Variants in ADCY5 observed in about 807,000 individuals in gnomAD.
ADCY5 encodes the protein adenylate cyclase type 5.
ADCY5 carries 30 observed loss-of-function variants against 119.7 expected under a neutral mutation model. The observed-to-expected ratio is 0.25, with a 90% confidence interval of 0.19 to 0.34. The LOEUF (loss-of-function observed/expected upper bound fraction) is 0.34. Among genes scored for constraint, ADCY5 ranks in the 10% least tolerant of loss-of-function variants. ADCY5 has a pLI of 1.00. For missense variants in ADCY5, 1,324 were observed against 1,775.2 expected (o/e 0.75, Z 4.57); for synonymous variants, 753 against 762.2 (o/e 0.99, Z 0.20).
chr3:123,392,655 C>T (rs66850653), intron 1 of ADCY5, among the ~76,000 whole-genome samples: 21,580 of 152,098 alleles, frequency 0.14, 1,658 homozygotes, highest in East Asian at 0.34. Flanking sequence ...TGTTACTCCC[C>T]TTCTCTGTAT....
At chr3:123,386,091 C>T (rs1944211710) in intron 1 of ADCY5, among the ~76,000 whole-genome samples, 1 of 152,228 alleles carries the variant, frequency 6.6e-6, no homozygotes, top group South Asian at 2.1e-4. Flanking sequence ...GAAGATGCAG[C>T]TCTCCTCAGA....
In ADCY5 at chr3:123,447,564, C is replaced by T. The variant is rs749154761; in HGVS notation, c.982G>A (p.Gly328Ser). 3.9e-5 allele frequency: 63 copies of T among 1,609,032 alleles called. 1 individual carries two copies. In the Middle Eastern group the frequency reaches 8.2e-4, roughly 21 times the overall value. ...LLPQPRSASE[G>S]IWWTVFFIYT... The stretch of plus-strand genomic sequence containing the variant: ...ATGAAGAACACGGTCCACCAGATGC[C>T]CTCAGAGGCGCTGCGTGGCTGCGGC... The change falls in exon 1 of 21, where the codon GGC becomes AGC. Residue 328 changes from glycine to serine, a missense_variant. By Grantham distance (56) the Gly-to-Ser change is moderately conservative (BLOSUM62 0). Transcript: ENST00000462833.
chr3:123,297,367 G>A lies in ADCY5; in HGVS notation c.2916C>T (p.Asn972=), dbSNP rs1030351325. 1.2e-5 allele frequency: 19 copies of A among 1,613,886 alleles called. No homozygotes were observed. The highest frequency in any genetic ancestry group is 3.3e-4 in the Middle Eastern group (2 of 6,084). Residue 972 remains asparagine (N), a synonymous_variant, in exon 16 of 21, where the codon AAC becomes AAT. Transcript: ENST00000462833. ...VTANAIDFFN[N]GTSQCPEHAT... ...CATCAACTCACCACTGGGAGGTCCC[G>A]TTGTTGAAGAAGTCTCTGTGAAGAG...
At position 123,286,669 on chromosome 3, in the gene ADCY5, A is replaced by G; in HGVS notation, c.3657+16T>C. ...CCTCCCATGGGGTGAGGGGTGGTGG[A>G]TGCTCCTGCACTCACCTGGATGCGG... On this transcript the variant is annotated intron_variant, in intron 20 of 20. Transcript: ENST00000462833. The surrounding 1 kb of genome is among the most constrained non-coding windows in gnomAD (Gnocchi z 4.2). 6.3e-7 allele frequency: 1 copy of G among 1,593,998 alleles called. No individual in the cohort carries two copies. The highest frequency in any genetic ancestry group is 1.1e-5 in the South Asian group (1 of 87,678).
chr3:123,339,671 G>A (rs913374750), intron 3 of ADCY5, among the ~76,000 whole-genome samples: 4 of 152,270 alleles, frequency 2.6e-5, no homozygotes, highest in South Asian at 2.1e-4. Flanking sequence ...GTCCTAGGTC[G>A]AGGCATGTCC....
rs758472459 is a variant in ADCY5 at position 123,297,340 on chromosome 3, A to G, written c.2930+13T>C. 1 of 1,613,704 alleles carries G rather than the reference A, an allele frequency of 6.2e-7. No homozygotes were observed. Among genetic ancestry groups the G allele is most frequent in the South Asian group, 1.1e-5 (1 of 91,074 alleles). ...GGGCAGGGAGCGACCCTATCCGAGG[A>G]GCATCAACTCACCACTGGGAGGTCC... is the stretch of plus-strand genomic sequence containing the variant. On this transcript the variant is annotated intron_variant, in intron 16 of 20. Coordinates refer to ENST00000462833, the MANE Select transcript of ADCY5 (RefSeq NM_183357.3).
intron 1 of ADCY5, among the ~76,000 whole-genome samples, chr3:123,358,821 G>A (rs1175699069): frequency 6.6e-6 from 1 of 152,168 alleles, no homozygotes; most frequent in African/African-American, 2.4e-5. Context: ...CTGCCCGCAG[G>A]CTGCAGGTTT....
chr3:123,314,054 C>T (rs1280295765), intron 12 of ADCY5, among the ~76,000 whole-genome samples, 181 bp downstream of exon 12: 2 of 152,202 alleles, frequency 1.3e-5, no homozygotes, highest in East Asian at 3.9e-4. Context: ...GACCATTTGC[C>T]AGACTCCAGG....
intron 1 of ADCY5, 23 bp downstream of exon 1, chr3:123,447,389 C>T: frequency 6.6e-7 from 1 of 1,517,926 alleles, no homozygotes; most frequent in Non-Finnish European, 8.8e-7. Flanking sequence ...CAATCCAGTC[C>T]CGGTGGCCAG....
chr3:123,443,957 C>G (rs367863984), intron 1 of ADCY5, among the ~76,000 whole-genome samples: 6 of 152,346 alleles, frequency 3.9e-5, no homozygotes, highest in East Asian at 3.9e-4. Flanking sequence ...ATGACCACCC[C>G]ACCCCACAGG....
chr3:123,291,046 C>A (rs1939113475), intron 18 of ADCY5, 67 bp downstream of exon 18: 1 of 1,536,742 alleles, frequency 6.5e-7, no homozygotes, highest in South Asian at 1.3e-5. Flanking sequence ...CTCTTCACAT[C>A]CCTCCCATAC....
At chr3:123,396,779 AAGGCAGGCAGGCAGGCAGGCAGGC>A (rs1195206250) in intron 1 of ADCY5, among the ~76,000 whole-genome samples, 2 of 69,904 alleles carry the variant, frequency 2.9e-5, no homozygotes, top group African/African-American at 1.2e-4. Flanking sequence ...GGAAGGAAGG[AAGGCAGGCAGGCAGGCAGGCAGGC>A]AGGCAGGCAG....
At chr3:123,323,015 A>C (rs371514238) in intron 8 of ADCY5, among the ~76,000 whole-genome samples, 3 of 152,192 alleles carry the variant, frequency 2.0e-5, no homozygotes, top group African/African-American at 4.8e-5. Context: ...GCACGTTAGC[A>C]TGGAAAGCCC....
In ADCY5 at chr3:123,395,635, T is replaced by G. The variant is rs371735392; in HGVS notation, c.1135-43054A>C. On this transcript the variant is annotated intron_variant, in intron 1 of 20. Coordinates refer to ENST00000462833, the MANE Select transcript of ADCY5 (RefSeq NM_183357.3). Reference sequence around the variant, plus strand: ...CACGTGTTACATAATCCCAGCACTTTGGGAGGGTGAGGTGGGAGGATTGCT... The same window carrying G: ...CACGTGTTACATAATCCCAGCACTTGGGGAGGGTGAGGTGGGAGGATTGCT... Among the ~76,000 whole-genome samples, 12 of 152,068 alleles carry G rather than the reference T, an allele frequency of 7.9e-5. No individual in the cohort carries two copies. The East Asian group carries it at 1.6e-3, about 20-fold the overall frequency.
At chr3:123,345,139 C>A (rs530287770) in intron 3 of ADCY5, among the ~76,000 whole-genome samples, 1 of 152,342 alleles carries the variant, frequency 6.6e-6, no homozygotes, top group African/African-American at 2.4e-5. Flanking sequence ...AGGGCAGTCA[C>A]CGTAGAAGAG....
In ADCY5 at chr3:123,282,690, A is replaced by C. The variant is rs2108134126; in HGVS notation, c.*1918T>G. On this transcript the variant is annotated 3_prime_UTR_variant, in exon 21 of 21. Coordinates refer to ENST00000462833, the MANE Select transcript of ADCY5 (RefSeq NM_183357.3). Reference sequence around the variant, plus strand: ...CAGAACTCAAAGGATGGAGCAGCAGAAGCACGGGACAGACTCAGGCTTGGC... The same window carrying C: ...CAGAACTCAAAGGATGGAGCAGCAGCAGCACGGGACAGACTCAGGCTTGGC... The C allele has an allele frequency of 6.6e-6, 1 of 152,564 alleles. No individual in the cohort carries two copies. Among genetic ancestry groups the C allele is most frequent in the East Asian group, 1.9e-4 (1 of 5,190 alleles). 9.5% of individuals were successfully genotyped at this position (152,564 alleles called of 1,614,324 possible).
At chr3:123,348,294 A>G (rs775838236) in intron 2 of ADCY5, among the ~76,000 whole-genome samples, 3 of 152,104 alleles carry the variant, frequency 2.0e-5, no homozygotes, top group Admixed American at 6.5e-5. Context: ...CGTCTGTAAA[A>G]TGAGGATGGA....
At chr3:123,285,788 C>A (rs994356502) in intron 20 of ADCY5, among the ~76,000 whole-genome samples, 7 of 152,222 alleles carry the variant, frequency 4.6e-5, no homozygotes, top group African/African-American at 1.7e-4. Flanking sequence ...TCCTTCTCTC[C>A]TTTGCACAGG....
At chr3:123,444,099 G>A (rs1945771380) in intron 1 of ADCY5, among the ~76,000 whole-genome samples, 1 of 152,192 alleles carries the variant, frequency 6.6e-6, no homozygotes, top group Admixed American at 6.5e-5. Flanking sequence ...AAACAAAAAT[G>A]AGGTTGCCAT....
Sources: allele counts gnomAD v4.1 joint callset (sites outside exome capture counted in the v4.1 genomes callset), GRCh38; gene constraint gnomAD v4.1.1; non-coding constraint Gnocchi (gnomAD v3.1); transcripts MANE v1.5; gene names NCBI Gene and HGNC (gene_info 2026-07-23, HGNC 2026-07-21).